Variants in FAM47E observed in about 807,000 individuals in gnomAD.
FAM47E encodes family with sequence similarity 47 member E.
FAM47E carries 32 observed loss-of-function variants against 41.6 expected under a neutral mutation model. The ratio of observed to expected loss-of-function variants is 0.77; its 90% CI spans 0.58 to 1.03. The LOEUF (loss-of-function observed/expected upper bound fraction) is 1.03, where lower values mean the gene tolerates loss of function less well. Among genes scored for constraint, FAM47E ranks in the 50% least tolerant of loss-of-function variants. The pLI is 0.00. For missense variants in FAM47E, 424 were observed against 485.4 expected (o/e 0.87, Z 1.19); for synonymous variants, 184 against 188.7 (o/e 0.98, Z 0.20).
chr4:76,277,948 T>C (rs1271177022), intron 5 of FAM47E, 121 bp from the exon 6 acceptor site: 2 of 1,208,910 alleles, frequency 1.7e-6, no homozygotes, highest in East Asian at 3.0e-5. Context: ...CAAAATACTT[T>C]GGCAAGGACC....
chr4:76,232,857 T>C (rs962770782), intron 2 of FAM47E, among the ~76,000 whole-genome samples: 1 of 152,218 alleles, frequency 6.6e-6, no homozygotes, highest in South Asian at 2.1e-4. Flanking sequence ...TCCAGATTAC[T>C]ATAAACAATT....
Sources: gnomAD v4.1 joint callset for allele counts (sites outside exome capture counted in the v4.1 genomes callset) on GRCh38, gnomAD v4.1.1 for gene constraint, MANE v1.5 for transcripts, NCBI Gene and HGNC (gene_info 2026-07-23, HGNC 2026-07-21) for gene names.